ATAD5: variants seen among roughly 807,000 people sequenced by gnomAD.
The protein encoded by ATAD5 is ATPase family AAA domain-containing protein 5.
In ATAD5, 58 loss-of-function variants were observed where a neutral mutation model predicts 176.9. That is an observed-to-expected ratio of 0.33 (90% confidence interval 0.27 to 0.41). The LOEUF (loss-of-function observed/expected upper bound fraction) is 0.41, where lower values mean the gene tolerates loss of function less well. Ranked by LOEUF, ATAD5 falls within the 10% of genes least tolerant of loss-of-function variation. The pLI, the probability that ATAD5 is intolerant of heterozygous loss-of-function variation, is 1.00. For synonymous variants in ATAD5, 640 were observed against 712.6 expected, an observed-to-expected ratio of 0.90 and a Z score of 1.62; for missense variants, 1,789 against 2,094.1, an observed-to-expected ratio of 0.85 and a Z score of 2.84.
chr17:30,834,152 G>A lies in ATAD5; in HGVS notation c.71G>A (p.Cys24Tyr), dbSNP rs202001252. The change falls in exon 2 of 23, where the codon TGC becomes TAC. Residue 24 changes from cysteine (C) to tyrosine (Y), a missense_variant. Cys to Tyr is a radical substitution (Grantham distance 194). This residue lies in a region of ATAD5 where 696 missense variants were observed against 712.5 expected (regional missense o/e 0.98). Coordinates refer to ENST00000321990, the MANE Select transcript of ATAD5 (RefSeq NM_024857.5). ...TTTTCTCTTTTAAATTGCCAGCCAT[G>A]CAAAAAGCGAAAGAAAGATGATGAC... is the stretch of plus-strand genomic sequence containing the variant. ...PPVKDCEIEPCKKRKKDDDTS... is the reference protein window; with the variant it reads ...PPVKDCEIEPYKKRKKDDDTS... The A allele has an allele frequency of 1.0e-5, 16 of 1,541,352 alleles. No individual in the cohort carries two copies. The East Asian group carries it at 3.2e-4, about 31-fold the overall frequency.
At chr17:30,878,718 G>GTTTGTT (rs1908813836) in intron 17 of ATAD5, among the ~76,000 whole-genome samples, 1 of 56,838 alleles carries the variant, frequency 1.8e-5, no homozygotes, top group African/African-American at 6.6e-5. Context: ...GTTAGGTGGT[G>GTTTGTT]TTTTTTTTTT....
intron 11 of ATAD5, among the ~76,000 whole-genome samples, chr17:30,866,264 C>G (rs1907974282): frequency 8.3e-6 from 1 of 120,804 alleles, no homozygotes; most frequent in African/African-American, 3.2e-5. Context: ...ATGGCACGAT[C>G]TTGGCTCACT....
intron 1 of ATAD5, among the ~76,000 whole-genome samples, chr17:30,833,269 TTG>T (rs1905491292): frequency 6.6e-6 from 1 of 152,230 alleles, no homozygotes; most frequent in Admixed American, 6.5e-5. Flanking sequence ...CTTCTGGTAC[TTG>T]ATGTACACAG....
chr17:30,852,720 AAG>A (rs961343602), intron 6 of ATAD5, among the ~76,000 whole-genome samples: 14 of 151,990 alleles, frequency 9.2e-5, no homozygotes, highest in African/African-American at 3.4e-4. Context: ...GAGAAGTGGC[AAG>A]AGAGAGGAGG....
At position 30,860,628 on chromosome 17, in the gene ATAD5, C is replaced by A. The variant is rs768572746; in HGVS notation, c.3136+16C>A. 1 of 1,532,018 alleles carries A rather than the reference C, an allele frequency of 6.5e-7. No individual in the cohort carries two copies. The highest frequency in any genetic ancestry group is 8.7e-7 in the Non-Finnish European group (1 of 1,148,884). 94.9% of individuals were successfully genotyped at this position (1,532,018 alleles called of 1,614,324 possible). On this transcript the variant is annotated intron_variant, in intron 10 of 22. Coordinates refer to ENST00000321990, the MANE Select transcript of ATAD5 (RefSeq NM_024857.5). ...TCTTCCAAAGGTATATTTTCTAAAA[C>A]ATCCCAAAAGAAATAGATTGCTTTG...
chr17:30,893,268 T>C, intron 20 of ATAD5, 26 bp from the exon 21 acceptor site: 1 of 1,541,738 alleles, frequency 6.5e-7, no homozygotes, highest in East Asian at 2.2e-5. Flanking sequence ...TGCTGTAACA[T>C]TTCTTTACTC....
chr17:30,893,903 G>T lies in ATAD5; in HGVS notation c.5050G>T (p.Val1684Phe), dbSNP rs764142850. Reference protein sequence around the residue: ...RNDFSWTNGKVTSGLCDEFSL... With the variant: ...RNDFSWTNGKFTSGLCDEFSL... ...TGACTTTAGTTGGACAAATGGAAAG[G>T]TTACAAGTGGACTTTGTGATGAGTT... The change falls in exon 21 of 23, where the codon GTT (valine) becomes TTT (phenylalanine). Residue 1684 changes from valine to phenylalanine, a missense_variant. Coordinates refer to ENST00000321990, the MANE Select transcript of ATAD5 (RefSeq NM_024857.5). 6.2e-7 allele frequency: 1 copy of T among 1,614,032 alleles called. No homozygotes were observed. Among genetic ancestry groups the T allele is most frequent in the South Asian group, 1.1e-5 (1 of 91,068 alleles).
chr17:30,842,988 C>T (rs1906223622), intron 4 of ATAD5, among the ~76,000 whole-genome samples: 4 of 151,978 alleles, frequency 2.6e-5, no homozygotes, highest in Admixed American at 1.3e-4. Flanking sequence ...GGTAATCCCC[C>T]CTGCCTTGGC....
rs1597998056 is a variant in ATAD5, at chr17:30,887,373, G to A, written c.4258+1G>A. 8 of 1,587,470 alleles carry A rather than the reference G, an allele frequency of 5.0e-6. No homozygotes were observed. Among genetic ancestry groups the A allele is most frequent in the African/African-American group, 1.4e-5 (1 of 73,070 alleles). On this transcript the variant is annotated splice_donor_variant, in intron 19 of 22. Coordinates refer to ENST00000321990, the MANE Select transcript of ATAD5 (RefSeq NM_024857.5). LOFTEE classifies it high-confidence loss of function. ...GAAGAACGACCATTAACCCTTTATC[G>A]TAAGTTGATTTGTTATTAAAGAAAT...
At chr17:30,889,415 G>T (rs1341172760) in intron 19 of ATAD5, among the ~76,000 whole-genome samples, 3 of 150,720 alleles carry the variant, frequency 2.0e-5, no homozygotes, top group Admixed American at 2.0e-4. Flanking sequence ...ATAAACAAAT[G>T]ATACTATAAT....
chr17:30,840,290 A>G (rs915593914), intron 3 of ATAD5, among the ~76,000 whole-genome samples: 2 of 151,662 alleles, frequency 1.3e-5, no homozygotes, highest in Non-Finnish European at 2.9e-5. Flanking sequence ...AGCCATTCAT[A>G]TAGTAGGCTG....
At chr17:30,854,598 C>T (rs1025940918) in intron 6 of ATAD5, among the ~76,000 whole-genome samples, 2 of 151,966 alleles carry the variant, frequency 1.3e-5, no homozygotes, top group East Asian at 1.9e-4. Flanking sequence ...TCTCAAACTC[C>T]TGACCTCAGG....
At chr17:30,879,766 T>G (rs527289772) in intron 18 of ATAD5, among the ~76,000 whole-genome samples, 27 of 151,976 alleles carry the variant, frequency 1.8e-4, no homozygotes, top group Non-Finnish European at 3.1e-4. Context: ...GTTTCACCAT[T>G]TTAGCCAGGA....
In ATAD5 at chr17:30,862,192, G is replaced by A. The variant is rs533528119; in HGVS notation, c.3136+1580G>A. On this transcript the variant is annotated intron_variant, in intron 10 of 22. Transcript: ENST00000321990. ...CTACTAAAAATACAAAAATTAACCA[G>A]GTGTGGTGGTGCGTGCCTGTAATCC... 1.9e-3 allele frequency among the ~76,000 whole-genome samples: 294 copies of A among 151,268 alleles called. 1 individual carries two copies. Among genetic ancestry groups the A allele is most frequent in the African/African-American group, 6.7e-3 (278 of 41,352 alleles).
At position 30,895,835 on chromosome 17, in the gene ATAD5, G is replaced by T. The variant is rs1047586126; in HGVS notation, c.*922G>T. The T allele has an allele frequency of 1.3e-5, 2 of 152,016 alleles. No individual in the cohort carries two copies. Among genetic ancestry groups the T allele is most frequent in the African/African-American group, 2.4e-5 (1 of 41,392 alleles). The allele number at this position is 152,016 out of a possible 1,614,324, so 9.4% of individuals were successfully genotyped here. A position where few individuals can be genotyped will look rare whatever the true frequency, so the allele number is the denominator to read the frequency against. Reference sequence around the variant, plus strand: ...AATTAGTATATTGATCTAATTAAAGGTTAAAGCTAAAGGCTTTATGAAATG... The same window carrying T: ...AATTAGTATATTGATCTAATTAAAGTTTAAAGCTAAAGGCTTTATGAAATG... On this transcript the variant is annotated 3_prime_UTR_variant, in exon 23 of 23. Coordinates refer to ENST00000321990, the MANE Select transcript of ATAD5 (RefSeq NM_024857.5).
chr17:30,879,922 G>A (rs1270082633), intron 18 of ATAD5, among the ~76,000 whole-genome samples: 21 of 151,914 alleles, frequency 1.4e-4, no homozygotes, highest in Admixed American at 1.4e-3. Flanking sequence ...TACTTGGGAG[G>A]CTGAGGCAGG....
At chr17:30,850,598 A>G (rs1293802868) in intron 6 of ATAD5, among the ~76,000 whole-genome samples, 1 of 151,278 alleles carries the variant, frequency 6.6e-6, no homozygotes, top group Non-Finnish European at 1.5e-5. Context: ...GTCTCCACAT[A>G]AGAGTGAGAA....
chr17:30,838,237 C>T (rs1597951643), intron 3 of ATAD5, among the ~76,000 whole-genome samples: 1 of 152,202 alleles, frequency 6.6e-6, no homozygotes, highest in Admixed American at 6.5e-5. Flanking sequence ...AGCTCCTTGT[C>T]CCCACCATGG....
rs569654155 is a variant in ATAD5 at position 30,843,566 on chromosome 17, C to T, written c.2242-347C>T. Among the ~76,000 whole-genome samples the T allele has an allele frequency of 2.6e-5, 4 of 151,878 alleles. No individual in the cohort carries two copies. In the South Asian group the frequency reaches 8.3e-4, roughly 32 times the overall value. The stretch of plus-strand genomic sequence containing the variant: ...TTGGGAGGCTGAGGCAGGAGAATCA[C>T]TTGAACACGGGAGGCGGAGGTTGCA... On this transcript the variant is annotated intron_variant, in intron 4 of 22. Coordinates refer to ENST00000321990, the MANE Select transcript of ATAD5 (RefSeq NM_024857.5).
Sources: allele counts gnomAD v4.1 joint callset (sites outside exome capture counted in the v4.1 genomes callset), GRCh38; gene constraint gnomAD v4.1.1; regional missense constraint gnomAD v4.1.1; transcripts MANE v1.5; gene names NCBI Gene and HGNC (gene_info 2026-07-23, HGNC 2026-07-21).